The following SEMA3A variants were observed in gnomAD, a reference collection of about 807,000 sequenced individuals.
SEMA3A encodes semaphorin 3A, also known as semaphorin-3A.
SEMA3A carries 29 observed loss-of-function variants against 97.9 expected under a neutral mutation model. That is an observed-to-expected ratio of 0.30 (90% CI 0.22 to 0.40). SEMA3A has a LOEUF of 0.40. Ranked by LOEUF, SEMA3A falls within the 10% of genes least tolerant of loss-of-function variation. The pLI is 1.00. For synonymous variants in SEMA3A, 321 were observed against 323.7 expected (o/e 0.99, Z 0.09); for missense variants, 763 against 951.3 (o/e 0.80, Z 2.60).
intron 3 of SEMA3A, among the ~76,000 whole-genome samples, chr7:84,272,903 A>G (rs187106955): frequency 6.6e-6 from 1 of 152,256 alleles, no homozygotes; most frequent in East Asian, 1.9e-4. Flanking sequence ...GGTATATTTT[A>G]TCATCCTAAT....
intron 2 of SEMA3A, among the ~76,000 whole-genome samples, chr7:84,133,938 T>A (rs1447029313): frequency 1.3e-5 from 2 of 149,170 alleles, no homozygotes; most frequent in African/African-American, 5.0e-5. Flanking sequence ...GGCAGGCACC[T>A]GTAGTCCCAG....
At chr7:84,262,678 T>C (rs535757989) in intron 3 of SEMA3A, among the ~76,000 whole-genome samples, 1 of 152,334 alleles carries the variant, frequency 6.6e-6, no homozygotes, top group Non-Finnish European at 1.5e-5. Flanking sequence ...TATAGATATA[T>C]GGGTGACAAA....
intron 1 of SEMA3A, among the ~76,000 whole-genome samples, chr7:84,465,227 C>G (rs999080058): frequency 1.3e-5 from 2 of 152,118 alleles, no homozygotes; most frequent in African/African-American, 4.8e-5. Context: ...TTCTGGGAGT[C>G]CTAAATATTC....
chr7:84,311,815 C>A (rs76228957), intron 2 of SEMA3A, among the ~76,000 whole-genome samples: 3 of 151,864 alleles, frequency 2.0e-5, no homozygotes, highest in Admixed American at 2.0e-4. Flanking sequence ...TCTCCCTTTG[C>A]AAGTATCTCC....
chr7:84,371,021 G>C (rs1468051068), intron 2 of SEMA3A, among the ~76,000 whole-genome samples: 1 of 150,618 alleles, frequency 6.6e-6, no homozygotes, highest in African/African-American at 2.4e-5. Flanking sequence ...TAAATAGGTA[G>C]GTATATAGAT....
At chr7:84,175,155 C>T (rs1199923811) in intron 1 of SEMA3A, among the ~76,000 whole-genome samples, 3 of 152,050 alleles carry the variant, frequency 2.0e-5, no homozygotes, top group Non-Finnish European at 4.4e-5. Flanking sequence ...TTTTTTCCTA[C>T]TGCTTGTTCT....
intron 2 of SEMA3A, among the ~76,000 whole-genome samples, chr7:84,358,801 C>CTT (rs1447089444): frequency 6.6e-6 from 1 of 152,094 alleles, no homozygotes; most frequent in Non-Finnish European, 1.5e-5. Context: ...TTTGTATCCT[C>CTT]TTTTATTTTG....
At chr7:84,349,805 C>CT (rs1204190382) in intron 2 of SEMA3A, among the ~76,000 whole-genome samples, 8 of 151,942 alleles carry the variant, frequency 5.3e-5, no homozygotes, top group East Asian at 1.9e-4. Flanking sequence ...AGTTATAGGT[C>CT]TTTTTTTTCC....
chr7:84,140,881 T>C (rs1584027144), intron 1 of SEMA3A, among the ~76,000 whole-genome samples: 1 of 152,080 alleles, frequency 6.6e-6, no homozygotes, highest in Middle Eastern at 3.4e-3. Context: ...AAAAAGGGGG[T>C]GGGAGCCATT....
intron 3 of SEMA3A, among the ~76,000 whole-genome samples, chr7:84,209,158 A>G (rs183897376): frequency 1.1e-3 from 171 of 152,344 alleles, no homozygotes; most frequent in African/African-American, 4.0e-3. Flanking sequence ...ATCTGGAATG[A>G]AACTACAAAG....
Position 84,097,886 on chromosome 7 carries a change from C to T in SEMA3A, c.453+12584G>A, listed in dbSNP as rs951560501. ...GCAATGATTAAAGGATGACCCTTCA[C>T]AAAAAGATATATTTCTCCAAATACA... On this transcript the variant is annotated intron_variant, in intron 4 of 16. Coordinates refer to ENST00000265362, the MANE Select transcript of SEMA3A (RefSeq NM_006080.3). 2.0e-5 allele frequency among the ~76,000 whole-genome samples: 3 copies of T among 151,904 alleles called. No individual in the cohort carries two copies. In the East Asian group the frequency reaches 5.8e-4, roughly 29 times the overall value.
intron 12 of SEMA3A, among the ~76,000 whole-genome samples, chr7:83,998,933 TATATTTG>T (rs1361358226): frequency 6.6e-6 from 1 of 152,156 alleles, no homozygotes; most frequent in African/African-American, 2.4e-5. Context: ...CAACAGCACA[TATATTTG>T]ATATCTCTAT....
At chr7:84,428,351 A>C (rs1411431723) in intron 1 of SEMA3A, among the ~76,000 whole-genome samples, 1 of 152,106 alleles carries the variant, frequency 6.6e-6, no homozygotes, top group Admixed American at 6.6e-5. Context: ...TTCTCCTTAA[A>C]GATAGTAAAA....
chr7:84,193,417 T>TA (rs1291140651), intron 1 of SEMA3A, among the ~76,000 whole-genome samples: 2 of 152,026 alleles, frequency 1.3e-5, no homozygotes, highest in Admixed American at 1.3e-4. Flanking sequence ...ACTTATAGGC[T>TA]AAAAAATAAG....
chr7:84,095,038 C>T (rs1794714999), intron 4 of SEMA3A, among the ~76,000 whole-genome samples: 1 of 150,524 alleles, frequency 6.6e-6, no homozygotes, highest in African/African-American at 2.4e-5. Flanking sequence ...CACACTTACA[C>T]ACACACACAC....
chr7:84,464,865 A>G (rs1257590655), intron 1 of SEMA3A, among the ~76,000 whole-genome samples: 1 of 152,160 alleles, frequency 6.6e-6, no homozygotes, highest in African/African-American at 2.4e-5. Context: ...TTTCTGAATC[A>G]GGAGCATGTA....
intron 1 of SEMA3A, among the ~76,000 whole-genome samples, chr7:84,375,341 G>A (rs1803072108): frequency 6.6e-6 from 1 of 151,800 alleles, no homozygotes; most frequent in Non-Finnish European, 1.5e-5. Flanking sequence ...TATTATTGAG[G>A]GCATTGAGTG....
At chr7:84,050,944 C>A (rs1410907321) in intron 5 of SEMA3A, among the ~76,000 whole-genome samples, 2 of 151,584 alleles carry the variant, frequency 1.3e-5, no homozygotes, top group African/African-American at 2.4e-5. Context: ...CCAGTTTTCC[C>A]AGCACCATTT....
intron 1 of SEMA3A, among the ~76,000 whole-genome samples, chr7:84,177,352 A>G (rs952699129): frequency 1.2e-4 from 19 of 152,068 alleles, no homozygotes; most frequent in Admixed American, 1.3e-4. Flanking sequence ...TCATTCTCCT[A>G]TGTGTTTATA....
Sources: allele counts gnomAD v4.1 joint callset (sites outside exome capture counted in the v4.1 genomes callset), GRCh38; gene constraint gnomAD v4.1.1; transcripts MANE v1.5; gene names NCBI Gene and HGNC (gene_info 2026-07-23, HGNC 2026-07-21).